Variants in UBE2O observed in about 807,000 individuals in gnomAD.
UBE2O encodes the protein ubiquitin conjugating enzyme E2 O.
A neutral mutation model predicts 125.8 loss-of-function variants in UBE2O; 15 were observed. The observed-to-expected ratio is 0.12, with a 90% confidence interval of 0.08 to 0.18. The LOEUF (loss-of-function observed/expected upper bound fraction) is 0.18. Ranked by LOEUF, UBE2O falls within the 10% of genes least tolerant of loss-of-function variation. UBE2O has a pLI of 1.00. For missense variants in UBE2O, 1,280 were observed against 1,723.6 expected (o/e 0.74, Z 4.56); for synonymous variants, 708 against 703.2 (o/e 1.01, Z -0.11).
At chr17:76,451,023 A>C (rs938103268) in intron 1 of UBE2O, among the ~76,000 whole-genome samples, 2 of 152,248 alleles carry the variant, frequency 1.3e-5, no homozygotes, top group Non-Finnish European at 2.9e-5. Flanking sequence ...AAAGTTAACC[A>C]CCAAAGTCAA....
chr17:76,409,400 ACTTT>A (rs762989506), intron 1 of UBE2O, among the ~76,000 whole-genome samples: 1 of 144,936 alleles, frequency 6.9e-6, no homozygotes, highest in African/African-American at 2.5e-5. Context: ...AACACACACT[ACTTT>A]TTTTTTTTTT....
At position 76,400,421 on chromosome 17, in the gene UBE2O, G is replaced by A; in HGVS notation, c.1004+20C>T. On this transcript the variant is annotated intron_variant, in intron 7 of 17. Coordinates refer to ENST00000319380, the MANE Select transcript of UBE2O (RefSeq NM_022066.4). The surrounding 1 kb of genome is among the most constrained non-coding windows in gnomAD (Gnocchi z 4.3). The stretch of plus-strand genomic sequence containing the variant: ...GTCCCACGCGTGCCCCTGGGTTGCT[G>A]GCAGTAAGGGCATGCTTACCTGCCT... 1 of 1,603,950 alleles carries A rather than the reference G, an allele frequency of 6.2e-7. No individual in the cohort carries two copies. The highest frequency in any genetic ancestry group is 8.5e-7 in the Non-Finnish European group (1 of 1,174,028).
At chr17:76,406,321 C>G (rs1411306020) in intron 1 of UBE2O, among the ~76,000 whole-genome samples, 1 of 152,194 alleles carries the variant, frequency 6.6e-6, no homozygotes, top group Non-Finnish European at 1.5e-5. Flanking sequence ...GCTGGTTCCT[C>G]AAACCTGGGG....
chr17:76,453,044 A>C lies in UBE2O; in HGVS notation c.98T>G (p.Val33Gly). 1 of 1,408,014 alleles carries C rather than the reference A, an allele frequency of 7.1e-7. No homozygotes were observed. The highest frequency in any genetic ancestry group is 9.3e-7 in the Non-Finnish European group (1 of 1,077,270). 87.2% of individuals were successfully genotyped at this position (1,408,014 alleles called of 1,614,324 possible). A position where few individuals can be genotyped will look rare whatever the true frequency, so the allele number is the denominator to read the frequency against. The change falls in exon 1 of 18, where the codon GTC becomes GGC. Residue 33 changes from valine (V) to glycine (G), a missense_variant. Transcript: ENST00000319380. The part of the protein sequence containing the change: ...EAVPAPAAAP[V>G]PAPAPASDSA... ...GTCCGAGGCGGGCGCCGGCGCCGGG[A>C]CGGGGGCTGCGGCTGGGGCCGGGAC...
At chr17:76,427,896 C>T (rs1041073304) in intron 1 of UBE2O, among the ~76,000 whole-genome samples, 3 of 152,182 alleles carry the variant, frequency 2.0e-5, no homozygotes, top group African/African-American at 7.2e-5. Flanking sequence ...CCATGCTTCA[C>T]GTGTTCATGC....
intron 1 of UBE2O, among the ~76,000 whole-genome samples, chr17:76,409,198 A>G (rs346809): frequency 0.88 from 134,183 of 152,106 alleles, 59,319 homozygotes; most frequent in East Asian, 1. Flanking sequence ...TCGATCTCCT[A>G]ACCTCGTGAT....
At chr17:76,392,420 G>A (rs892830345) in intron 15 of UBE2O, among the ~76,000 whole-genome samples, 8 of 151,904 alleles carry the variant, frequency 5.3e-5, no homozygotes, top group Admixed American at 4.6e-4. Context: ...GTGGGCCACC[G>A]TGCCCAGATG....
intron 1 of UBE2O, among the ~76,000 whole-genome samples, chr17:76,448,601 T>C (rs1323172655): frequency 1.3e-5 from 2 of 152,204 alleles, no homozygotes; most frequent in African/African-American, 4.8e-5. Flanking sequence ...CTGAATGTCA[T>C]GGCAACTTAA....
In UBE2O at chr17:76,400,710, G is replaced by A. The variant is rs1382434971; in HGVS notation, c.895-160C>T. 1.3e-5 allele frequency among the ~76,000 whole-genome samples: 2 copies of A among 152,110 alleles called. No individual in the cohort carries two copies. The highest frequency in any genetic ancestry group is 2.4e-5 in the African/African-American group (1 of 41,398). On this transcript the variant is annotated intron_variant, in intron 6 of 17. Coordinates refer to ENST00000319380, the MANE Select transcript of UBE2O (RefSeq NM_022066.4). This position sits in a 1 kb window ranked among gnomAD's most constrained non-coding sequence, Gnocchi z 4.3. Reference sequence around the variant, plus strand: ...AGAGCAGGCCCCAACTGTAACCACGGCCCCCACCCAATGCCCAGGACCAGT... The same window carrying A: ...AGAGCAGGCCCCAACTGTAACCACGACCCCCACCCAATGCCCAGGACCAGT...
At position 76,440,113 on chromosome 17, in the gene UBE2O, C is replaced by T. The variant is rs148583039; in HGVS notation, c.417+12612G>A. Reference sequence around the variant, plus strand: ...GAAGTAGTATAATCTCAGGTAATGCCAGGTGCTATGAGGGAAAAAAGCTGA... The same window carrying T: ...GAAGTAGTATAATCTCAGGTAATGCTAGGTGCTATGAGGGAAAAAAGCTGA... On this transcript the variant is annotated intron_variant, in intron 1 of 17. Coordinates refer to ENST00000319380, the MANE Select transcript of UBE2O (RefSeq NM_022066.4). Among the ~76,000 whole-genome samples, 447 of 152,222 alleles carry T rather than the reference C, an allele frequency of 2.9e-3. 1 individual carries two copies. The highest frequency in any genetic ancestry group is 6.8e-3 in the Middle Eastern group (2 of 294).
chr17:76,414,577 C>T (rs570168412), intron 1 of UBE2O, among the ~76,000 whole-genome samples: 1 of 152,358 alleles, frequency 6.6e-6, no homozygotes, highest in South Asian at 2.1e-4. Flanking sequence ...ACAACGCAGA[C>T]TCTCAGGCTG....
chr17:76,409,128 C>T (rs1279667349), intron 1 of UBE2O, among the ~76,000 whole-genome samples: 1 of 151,804 alleles, frequency 6.6e-6, no homozygotes, highest in Non-Finnish European at 1.5e-5. Flanking sequence ...GCCACCACGC[C>T]CGGCTAATTT....
intron 1 of UBE2O, among the ~76,000 whole-genome samples, chr17:76,416,130 T>A (rs995035035): frequency 6.6e-6 from 1 of 151,724 alleles, no homozygotes; most frequent in African/African-American, 2.4e-5. Context: ...TACATATATG[T>A]GCGTGTATAG....
chr17:76,395,558 A>T lies in UBE2O; in HGVS notation c.2946+167T>A, dbSNP rs918483175. 15 of 721,040 alleles carry T rather than the reference A, an allele frequency of 2.1e-5. No individual in the cohort carries two copies. Among genetic ancestry groups the T allele is most frequent in the Non-Finnish European group, 3.2e-5 (14 of 441,604 alleles). 44.7% of individuals were successfully genotyped at this position (721,040 alleles called of 1,614,324 possible). ...TCTGGCCTGGACACACGGCTGAGTC[A>T]GCCCTCACCTGACTGAGCCTGTGAC... On this transcript the variant is annotated intron_variant, in intron 15 of 17. Coordinates refer to ENST00000319380, the MANE Select transcript of UBE2O (RefSeq NM_022066.4). This position sits in a 1 kb window ranked among gnomAD's most constrained non-coding sequence, Gnocchi z 5.0.
rs192773816 is a variant in UBE2O at position 76,421,437 on chromosome 17, G to A, written c.418-15865C>T. On this transcript the variant is annotated intron_variant, in intron 1 of 17. Transcript: ENST00000319380. ...GGCTGGAGTGCAATGGCGTGATCTC[G>A]GCACACCATAGCCTGCTTCCCCGGT... Among the ~76,000 whole-genome samples the A allele has an allele frequency of 1.7e-3, 257 of 151,982 alleles. 1 individual carries two copies. The highest frequency in any genetic ancestry group is 2.0e-3 in the Non-Finnish European group (137 of 67,958).
intron 1 of UBE2O, among the ~76,000 whole-genome samples, chr17:76,406,692 GTTTTTTTTTT>G (rs66834782): frequency 1.7e-4 from 12 of 70,916 alleles, no homozygotes; most frequent in South Asian, 5.7e-4. Context: ...AGCCCAAGTT[GTTTTTTTTTT>G]TTTTTTTTTT....
At chr17:76,409,686 C>T (rs1242431111) in intron 1 of UBE2O, among the ~76,000 whole-genome samples, 2 of 152,160 alleles carry the variant, frequency 1.3e-5, no homozygotes, top group Non-Finnish European at 2.9e-5. Context: ...GAGCCACCGC[C>T]CCTGGCAAAC....
At chr17:76,435,489 C>T (rs1016864615) in intron 1 of UBE2O, among the ~76,000 whole-genome samples, 36 of 150,354 alleles carry the variant, frequency 2.4e-4, no homozygotes, top group Non-Finnish European at 4.7e-4. Flanking sequence ...GTTGGCCTTA[C>T]GAGGCAGACA....
At chr17:76,448,052 T>C (rs2143923614) in intron 1 of UBE2O, among the ~76,000 whole-genome samples, 1 of 152,124 alleles carries the variant, frequency 6.6e-6, no homozygotes, top group African/African-American at 2.4e-5. Context: ...TCATTCAGAG[T>C]AGGTGACAGC....
Sources: gnomAD v4.1 joint callset for allele counts (sites outside exome capture counted in the v4.1 genomes callset) on GRCh38, gnomAD v4.1.1 for gene constraint, Gnocchi (gnomAD v3.1) non-coding constraint, MANE v1.5 for transcripts, NCBI Gene and HGNC (gene_info 2026-07-23, HGNC 2026-07-21) for gene names.